Variants in LYPD6 observed in about 807,000 individuals in gnomAD.
LYPD6 encodes LY6/PLAUR domain containing 6.
In LYPD6, 15 loss-of-function variants were observed where a neutral mutation model predicts 22.7. The ratio of observed to expected loss-of-function variants is 0.66; its 90% CI spans 0.44 to 1.02. The LOEUF (loss-of-function observed/expected upper bound fraction) is 1.02, where lower values mean the gene tolerates loss of function less well. Ranked by LOEUF, LYPD6 falls within the 50% of genes least tolerant of loss-of-function variation. The probability of loss-of-function intolerance (pLI) is 0.00; values close to 1 mark genes in which losing one functional copy is unlikely to be tolerated. For missense variants in LYPD6, 189 were observed against 208.4 expected, an observed-to-expected ratio of 0.91 and a Z score of 0.57; for synonymous variants, 72 against 77.5, an observed-to-expected ratio of 0.93 and a Z score of 0.37.
At chr2:149,460,184 ATAAC>A (rs780203378) in intron 3 of LYPD6, among the ~76,000 whole-genome samples, 27 of 152,226 alleles carry the variant, frequency 1.8e-4, no homozygotes, top group Non-Finnish European at 2.6e-4. Flanking sequence ...TACCATATCA[ATAAC>A]TACCTTAAAT....
chr2:149,408,732 AGT>A (rs1682785560), intron 1 of LYPD6, among the ~76,000 whole-genome samples: 2 of 152,050 alleles, frequency 1.3e-5, no homozygotes. Context: ...CTTTTCTCTA[AGT>A]GTGTCCTTGA....
chr2:149,380,314 A>C (rs1010409088), intron 1 of LYPD6, among the ~76,000 whole-genome samples: 1 of 152,270 alleles, frequency 6.6e-6, no homozygotes, highest in Non-Finnish European at 1.5e-5. Context: ...AAGATAAGAC[A>C]TAACTTATCT....
intron 1 of LYPD6, among the ~76,000 whole-genome samples, chr2:149,372,338 G>C (rs1681830814): frequency 6.6e-6 from 1 of 152,016 alleles, no homozygotes; most frequent in Non-Finnish European, 1.5e-5. Flanking sequence ...TTGTACTTTT[G>C]TCACTTTGAA....
At chr2:149,350,756 G>A (rs76361184) in intron 1 of LYPD6, among the ~76,000 whole-genome samples, 6,858 of 152,288 alleles carry the variant, frequency 0.045, 191 homozygotes, top group Non-Finnish European at 0.062. Context: ...TGTAGTTAGT[G>A]TCTCCTGTGC....
At chr2:149,456,637 C>T (rs535592793) in intron 3 of LYPD6, among the ~76,000 whole-genome samples, 1 of 152,182 alleles carries the variant, frequency 6.6e-6, no homozygotes, top group Non-Finnish European at 1.5e-5. Context: ...GGAACACAGA[C>T]AGGAACTGAG....
intron 1 of LYPD6, among the ~76,000 whole-genome samples, chr2:149,412,776 T>A (rs1179841485): frequency 6.6e-6 from 1 of 152,160 alleles, no homozygotes; most frequent in Non-Finnish European, 1.5e-5. Context: ...TAAAAAGTAA[T>A]ATCATATTAG....
intron 1 of LYPD6, among the ~76,000 whole-genome samples, chr2:149,396,974 C>T (rs980380766): frequency 6.6e-6 from 1 of 152,182 alleles, no homozygotes; most frequent in Non-Finnish European, 1.5e-5. Context: ...CTTTGCAGCT[C>T]TCCTATATAC....
At chr2:149,458,562 G>A (rs980190129) in intron 3 of LYPD6, among the ~76,000 whole-genome samples, 7 of 152,062 alleles carry the variant, frequency 4.6e-5, no homozygotes, top group Admixed American at 4.6e-4. Context: ...GTCATACCAG[G>A]AAGATCTCAA....
At chr2:149,418,798 T>C (rs1401548736) in intron 1 of LYPD6, among the ~76,000 whole-genome samples, 1 of 152,208 alleles carries the variant, frequency 6.6e-6, no homozygotes, top group Non-Finnish European at 1.5e-5. Context: ...TTATACTTCT[T>C]AAAACCTAAA....
the LYPD6 span, among the ~76,000 whole-genome samples, chr2:149,485,457 C>G: frequency 2.6e-5 from 4 of 152,184 alleles, no homozygotes; most frequent in African/African-American, 9.7e-5. Flanking sequence ...GTGGAATGCT[C>G]TGTAAGTACT....
At chr2:149,340,631 T>G (rs1357006367) in intron 1 of LYPD6, among the ~76,000 whole-genome samples, 1 of 152,194 alleles carries the variant, frequency 6.6e-6, no homozygotes, top group Non-Finnish European at 1.5e-5. Context: ...GGTCACCCAC[T>G]GGGCATCATT....
chr2:149,409,752 C>T (rs1378278615), intron 1 of LYPD6, among the ~76,000 whole-genome samples: 1 of 152,092 alleles, frequency 6.6e-6, no homozygotes, highest in Non-Finnish European at 1.5e-5. Context: ...TCACTGGCTT[C>T]GTCCTGCTTC....
chr2:149,421,588 G>A (rs555222114), intron 1 of LYPD6, among the ~76,000 whole-genome samples: 7 of 152,150 alleles, frequency 4.6e-5, no homozygotes, highest in Admixed American at 2.0e-4. Context: ...TGATGGGATA[G>A]TGGCAATCTA....
At chr2:149,427,668 C>G (rs1683214061) in intron 1 of LYPD6, among the ~76,000 whole-genome samples, 1 of 152,184 alleles carries the variant, frequency 6.6e-6, no homozygotes, top group African/African-American at 2.4e-5. Context: ...CAACAGTGGA[C>G]TGCGTGTCCA....
intron 1 of LYPD6, among the ~76,000 whole-genome samples, chr2:149,424,443 A>T (rs1683148902): frequency 6.6e-6 from 1 of 152,218 alleles, no homozygotes; most frequent in Non-Finnish European, 1.5e-5. Flanking sequence ...GGAAAGAAAA[A>T]GTAACCTGTC....
intron 1 of LYPD6, among the ~76,000 whole-genome samples, chr2:149,427,591 A>C (rs1683212333): frequency 6.6e-6 from 1 of 152,236 alleles, no homozygotes; most frequent in Admixed American, 6.5e-5. Context: ...TCCTAGAGTA[A>C]ATACATCCTT....
the LYPD6 span, among the ~76,000 whole-genome samples, chr2:149,479,872 T>C: frequency 1.3e-5 from 2 of 152,264 alleles, no homozygotes; most frequent in African/African-American, 4.8e-5. Context: ...GAATTTCACA[T>C]TGTTCATGGG....
Position 149,382,325 on chromosome 2 carries a change from G to A in LYPD6, c.-72+51603G>A, listed in dbSNP as rs1200699066. On this transcript the variant is annotated intron_variant, in intron 1 of 4. Transcript: ENST00000334166. ...TCATACAATGCTAATTGTGCCATAC[G>A]CATAAGTAATATTGGGTTAAAATAT... Among the ~76,000 whole-genome samples, 14 of 152,072 alleles carry A rather than the reference G, an allele frequency of 9.2e-5. No homozygotes were observed. In the East Asian group the frequency reaches 2.3e-3, roughly 25 times the overall value.
At chr2:149,442,274 A>G (rs938536558) in intron 2 of LYPD6, among the ~76,000 whole-genome samples, 2 of 152,202 alleles carry the variant, frequency 1.3e-5, no homozygotes, top group African/African-American at 4.8e-5. Context: ...GGTTCTGGTA[A>G]CTGAAGGCCT....
Sources: gnomAD v4.1 joint callset for allele counts (sites outside exome capture counted in the v4.1 genomes callset) on GRCh38, gnomAD v4.1.1 for gene constraint, MANE v1.5 for transcripts, NCBI Gene and HGNC (gene_info 2026-07-23, HGNC 2026-07-21) for gene names.